The following INPP5E variants were observed in gnomAD, a reference collection of about 807,000 sequenced individuals.
INPP5E encodes the protein inositol polyphosphate-5-phosphatase E.
Under a neutral mutation model 50.5 loss-of-function variants are expected in INPP5E, and 34 were observed. That is an observed-to-expected ratio of 0.67 (90% CI 0.51 to 0.90). INPP5E has a LOEUF of 0.90. Ranked by LOEUF, INPP5E falls within the 40% of genes least tolerant of loss-of-function variation. INPP5E has a pLI of 0.00. For missense variants in INPP5E, 942 were observed against 905.5 expected, an observed-to-expected ratio of 1.04 and a Z score of -0.52; for synonymous variants, 447 against 406.0, an observed-to-expected ratio of 1.10 and a Z score of -1.21.
Position 136,438,641 on chromosome 9 carries a change from A to C in INPP5E, c.779T>G (p.Leu260Arg). The C allele has an allele frequency of 6.3e-7, 1 of 1,575,586 alleles. No individual in the cohort carries two copies. Among genetic ancestry groups the C allele is most frequent in the Non-Finnish European group, 8.6e-7 (1 of 1,161,370 alleles). The change falls in exon 1 of 10, where the codon CTG (leucine) becomes CGG (arginine). Residue 260 changes from leucine to arginine, a missense_variant. By Grantham distance (102) the Leu-to-Arg change is moderately radical (BLOSUM62 -2). Coordinates refer to ENST00000371712, the MANE Select transcript of INPP5E (RefSeq NM_019892.6). ...LRSAKSSFSL[L>R]APIRSKDVRS... ...GACGTCCTTGCTGCGGATGGGCGCC[A>C]GGAGGCTGAAGGAGGATTTGGCCGA...
intron 3 of INPP5E, 56 bp from the exon 4 acceptor site, chr9:136,433,335 C>G: frequency 6.5e-7 from 1 of 1,531,352 alleles, no homozygotes; most frequent in Non-Finnish European, 8.7e-7. Context: ...CTCCGCCACC[C>G]CCAGACCTGC....
chr9:136,431,131 G>A lies in INPP5E; in HGVS notation c.1550-14C>T, dbSNP rs181576122. The stretch of plus-strand genomic sequence containing the variant: ...TGAAGATGGACCCTGCCACAGGATG[G>A]GCACTCGGACTGGCTCAGACCAGCT... On this transcript the variant is annotated splice_polypyrimidine_tract_variant and intron_variant, in intron 7 of 9. Coordinates refer to ENST00000371712, the MANE Select transcript of INPP5E (RefSeq NM_019892.6). 1,616 of 1,575,526 alleles carry A rather than the reference G, an allele frequency of 1.0e-3. 18 individuals carry two copies. The Admixed American group carries it at 0.016, about 15-fold the overall frequency.
rs753085035 is a variant in INPP5E, at chr9:136,433,197, T to C, written c.1117A>G (p.Met373Val). The C allele has an allele frequency of 6.3e-6, 10 of 1,591,760 alleles. No homozygotes were observed. The highest frequency in any genetic ancestry group is 1.7e-4 in the Middle Eastern group (1 of 6,026). Residue 373 changes from methionine to valine, a missense_variant, in exon 4 of 10, where the codon ATG becomes GTG. Met to Val is a conservative substitution (Grantham distance 21). Coordinates refer to ENST00000371712, the MANE Select transcript of INPP5E (RefSeq NM_019892.6). ...AGGTCCCTGCGGATGAAGAGCGACA[T>C]GTAGAGCACGCCGTGGGCCGCCGAG... is the stretch of plus-strand genomic sequence containing the variant. ...LSSAAHGVLY[M>V]SLFIRRDLIW...
Position 136,438,741 on chromosome 9 carries a change from G to C in INPP5E, c.679C>G (p.Leu227Val), listed in dbSNP as rs547974643. ...CCCAGGCTGCTGTGGGCCCGCACCA[G>C]GAGCGGCTGCGCGCGGAGCTTGTAG... Reference protein sequence around the residue: ...ADYKLRAQPLLVRAHSSLGPG... With the variant: ...ADYKLRAQPLVVRAHSSLGPG... Residue 227 changes from leucine to valine, a missense_variant, in exon 1 of 10, where the codon CTG (leucine) becomes GTG (valine). Leu to Val is a conservative substitution (Grantham distance 32). Coordinates refer to ENST00000371712, the MANE Select transcript of INPP5E (RefSeq NM_019892.6). The C allele has an allele frequency of 1.9e-6, 3 of 1,611,294 alleles. No homozygotes were observed. The Admixed American group carries it at 5.0e-5, about 27-fold the overall frequency.
rs1347995777 is a variant in INPP5E at position 136,434,938 on chromosome 9, A to G, written c.813-75T>C. On this transcript the variant is annotated intron_variant, in intron 1 of 9. Transcript: ENST00000371712. ...GGGGGTCTGGGCCAGGTCCCCAGGGACAATAGCAAAACCCATGGAATGTCA... is the reference window on the plus strand; with the variant it reads ...GGGGGTCTGGGCCAGGTCCCCAGGGGCAATAGCAAAACCCATGGAATGTCA... 3 of 1,534,260 alleles carry G rather than the reference A, an allele frequency of 2.0e-6. No homozygotes were observed. In the Admixed American group the frequency reaches 5.8e-5, roughly 30 times the overall value.
intron 3 of INPP5E, 152 bp from the exon 4 acceptor site, chr9:136,433,431 T>A: frequency 8.2e-7 from 1 of 1,223,850 alleles, no homozygotes; most frequent in Non-Finnish European, 1.1e-6. Context: ...CCAGAAGGCC[T>A]GGTGGGCCAG....
chr9:136,437,218 A>G (rs1835850216), intron 1 of INPP5E: 1 of 152,186 alleles, frequency 6.6e-6, no homozygotes, highest in South Asian at 2.1e-4. Context: ...GACGCGGGGA[A>G]GTGAGGCTAC....
rs2131608631 is a variant in INPP5E at position 136,432,968 on chromosome 9, A to G, written c.1267T>C (p.Ser423Pro). The G allele has an allele frequency of 6.2e-7, 1 of 1,613,140 alleles. No individual in the cohort carries two copies. Among genetic ancestry groups the G allele is most frequent in the Non-Finnish European group, 8.5e-7 (1 of 1,179,722 alleles). ...CCAAGCAACTTACAGGTGAAGTGGG[A>G]CGTGATGAAGAGGAAGGAAGTGCCA... ...FFGTSFLFIT[S>P]HFTSGDGKVA... The change falls in exon 5 of 10, where the codon TCC (serine) becomes CCC (proline). Residue 423 changes from serine to proline, a missense_variant. Ser to Pro is a moderately conservative substitution (Grantham distance 74). Coordinates refer to ENST00000371712, the MANE Select transcript of INPP5E (RefSeq NM_019892.6).
intron 1 of INPP5E, chr9:136,436,113 G>C (rs1431690453): frequency 1.3e-5 from 2 of 151,026 alleles, no homozygotes; most frequent in Non-Finnish European, 3.0e-5. Flanking sequence ...TTCAACCCTG[G>C]CTGCGGCTCA....
At position 136,433,219 on chromosome 9, in the gene INPP5E, C is replaced by T. The variant is rs748104868; in HGVS notation, c.1095G>A (p.Ser365=). Reference sequence around the variant, plus strand: ...ACATGTAGAGCACGCCGTGGGCCGCCGAGGACAGCAGCACATAGTGCGGGC... The same window carrying T: ...ACATGTAGAGCACGCCGTGGGCCGCTGAGGACAGCAGCACATAGTGCGGGC... The part of the protein sequence containing the change: ...TLGPHYVLLS[S]AAHGVLYMSL... The change falls in exon 4 of 10, where the codon TCG becomes TCA. Residue 365 remains serine, a synonymous_variant. Transcript: ENST00000371712. 20 of 1,594,356 alleles carry T rather than the reference C, an allele frequency of 1.3e-5. No homozygotes were observed. The highest frequency in any genetic ancestry group is 8.3e-5 in the African/African-American group (6 of 72,188).
rs1226021631 is a variant in INPP5E, at chr9:136,429,486, C to T, written c.*189G>A. On this transcript the variant is annotated 3_prime_UTR_variant, in exon 10 of 10. Coordinates refer to ENST00000371712, the MANE Select transcript of INPP5E (RefSeq NM_019892.6). The stretch of plus-strand genomic sequence containing the variant: ...CGGGGGTCCAAGCCCTGCCCACCCA[C>T]ACCGTGTGGACCTGCCACAGAGGAC... 1.2e-5 allele frequency: 9 copies of T among 775,470 alleles called. No individual in the cohort carries two copies. In the East Asian group the frequency reaches 1.2e-4, roughly 11 times the overall value. The allele number at this position is 775,470 out of a possible 1,614,324, so 48.0% of individuals were successfully genotyped here. A position where few individuals can be genotyped will look rare whatever the true frequency, so the allele number is the denominator to read the frequency against.
intron 1 of INPP5E, chr9:136,437,198 G>A (rs1835849561): frequency 6.6e-6 from 1 of 152,316 alleles, no homozygotes; most frequent in South Asian, 2.1e-4. Flanking sequence ...CTGCCTGCTG[G>A]TGCACCACAG....
At chr9:136,435,116 C>T (rs186295659) in intron 1 of INPP5E, among the ~76,000 whole-genome samples, 12 of 152,220 alleles carry the variant, frequency 7.9e-5, no homozygotes, top group African/African-American at 1.9e-4. Flanking sequence ...GAGAGGGTGA[C>T]GGTTTGGGCT....
At chr9:136,430,529 CCT>C (rs200676917) in intron 8 of INPP5E, 116 bp from the exon 9 acceptor site, 32,403 of 1,262,518 alleles carry the variant, frequency 0.026, 617 homozygotes, top group Middle Eastern at 0.086. Context: ...TTCTGGGACC[CCT>C]GACACTCATG....
rs374802206 is a variant in INPP5E, at chr9:136,439,487, G to A, written c.-68C>T. 8 of 1,205,010 alleles carry A rather than the reference G, an allele frequency of 6.6e-6. No individual in the cohort carries two copies. Among genetic ancestry groups the A allele is most frequent in the Non-Finnish European group, 7.6e-6 (7 of 924,820 alleles). The allele number at this position is 1,205,010 out of a possible 1,614,324, so 74.6% of individuals were successfully genotyped here. On this transcript the variant is annotated 5_prime_UTR_variant, in exon 1 of 10. Coordinates refer to ENST00000371712, the MANE Select transcript of INPP5E (RefSeq NM_019892.6). ...CAGCGCGAGGGGTCACGGGTGCCGGGTCCGGGGTCGCCGGCGCAGCGAGGA... is the reference window on the plus strand; with the variant it reads ...CAGCGCGAGGGGTCACGGGTGCCGGATCCGGGGTCGCCGGCGCAGCGAGGA...
At chr9:136,430,157 C>A in intron 9 of INPP5E, 120 bp downstream of exon 9, 1 of 1,302,860 alleles carries the variant, frequency 7.7e-7, no homozygotes, top group Non-Finnish European at 1.1e-6. Context: ...GGAACACAGC[C>A]CTGAAGGTCC....
intron 9 of INPP5E, 118 bp from the exon 10 acceptor site, chr9:136,429,925 G>A: frequency 1.3e-6 from 1 of 785,260 alleles, no homozygotes; most frequent in African/African-American, 1.7e-5. Flanking sequence ...AGGATGAGGG[G>A]CTGTTAGGTG....
intron 1 of INPP5E, 141 bp from the exon 2 acceptor site, chr9:136,435,004 C>A (rs76470602): frequency 2.9e-6 from 3 of 1,020,328 alleles, no homozygotes; most frequent in Admixed American, 2.1e-5. Context: ...TCCTGGCCCC[C>A]GCGGCACTGC....
rs1234036011 is a variant in INPP5E at position 136,438,851 on chromosome 9, G to C, written c.569C>G (p.Pro190Arg). 6.2e-7 allele frequency: 1 copy of C among 1,604,962 alleles called. No homozygotes were observed. The highest frequency in any genetic ancestry group is 1.1e-5 in the South Asian group (1 of 90,212). ...GSSPRLPSLL[P>R]PRPPPALSLD... ...GCTCAGGGCAGGCGGTGGGCGCGGG[G>C]GCAGCAGGCTGGGCAGCCTGGGCGA... Residue 190 changes from proline (P) to arginine (R), a missense_variant, in exon 1 of 10, where the codon CCC becomes CGC. Pro to Arg is a moderately radical substitution (Grantham distance 103). Coordinates refer to ENST00000371712, the MANE Select transcript of INPP5E (RefSeq NM_019892.6).
Sources: gnomAD v4.1 joint callset for allele counts (sites outside exome capture counted in the v4.1 genomes callset) on GRCh38, gnomAD v4.1.1 for gene constraint, MANE v1.5 for transcripts, NCBI Gene and HGNC (gene_info 2026-07-23, HGNC 2026-07-21) for gene names.